Variants in LRBA observed in about 807,000 individuals in gnomAD.
LRBA encodes lipopolysaccharide-responsive and beige-like anchor protein.
Under a neutral mutation model 330.0 loss-of-function variants are expected in LRBA, and 176 were observed. That is an observed-to-expected ratio of 0.53 (90% CI 0.47 to 0.60). The LOEUF (loss-of-function observed/expected upper bound fraction) is 0.60, where lower values mean the gene tolerates loss of function less well. LRBA is among the 20% of genes least tolerant of loss of function. The pLI, the probability that LRBA is intolerant of heterozygous loss-of-function variation, is 0.00. For missense variants in LRBA, 3,259 were observed against 3,444.8 expected (o/e 0.95, Z 1.35); for synonymous variants, 1,230 against 1,193.0 (o/e 1.03, Z -0.64).
At chr4:150,478,102 G>C (rs1756917188) in intron 42 of LRBA, among the ~76,000 whole-genome samples, 1 of 152,014 alleles carries the variant, frequency 6.6e-6, no homozygotes, top group African/African-American at 2.4e-5. Flanking sequence ...TCTGGATGTA[G>C]CTCTAGTTCC....
At chr4:150,557,886 C>G (rs1223429194) in intron 40 of LRBA, among the ~76,000 whole-genome samples, 1 of 151,942 alleles carries the variant, frequency 6.6e-6, no homozygotes, top group African/African-American at 2.4e-5. Context: ...TGCTCTGTTC[C>G]ATACTGTACC....
intron 34 of LRBA, among the ~76,000 whole-genome samples, chr4:150,776,933 T>G (rs891679826): frequency 1.3e-5 from 2 of 152,220 alleles, no homozygotes; most frequent in African/African-American, 4.8e-5. Context: ...TCCAAGATTA[T>G]TCTTGAAAAT....
At chr4:150,915,270 T>C (rs1732463416) in intron 8 of LRBA, among the ~76,000 whole-genome samples, 1 of 152,100 alleles carries the variant, frequency 6.6e-6, no homozygotes. Context: ...ATATGCAAGA[T>C]TTATAAGCAT....
chr4:150,926,617 A>G (rs1229537926), intron 4 of LRBA, among the ~76,000 whole-genome samples: 1 of 152,212 alleles, frequency 6.6e-6, no homozygotes, highest in East Asian at 1.9e-4. Context: ...TGACCTACAT[A>G]AAGGAGCAAA....
intron 53 of LRBA, among the ~76,000 whole-genome samples, chr4:150,296,599 G>T (rs900152670): frequency 7.9e-5 from 12 of 151,910 alleles, no homozygotes; most frequent in Admixed American, 7.2e-4. Context: ...TCTGTAAAGC[G>T]ATATAAATGA....
At chr4:150,878,347 G>A (rs562890244) in intron 17 of LRBA, among the ~76,000 whole-genome samples, 13 of 151,760 alleles carry the variant, frequency 8.6e-5, no homozygotes, top group Non-Finnish European at 1.9e-4. Context: ...AAAAAAAAAG[G>A]AAATTTTATA....
intron 4 of LRBA, among the ~76,000 whole-genome samples, chr4:150,927,970 G>A (rs540167782): frequency 1.2e-4 from 18 of 152,138 alleles, no homozygotes; most frequent in Non-Finnish European, 2.2e-4. Flanking sequence ...AACAAAAATG[G>A]AGAAAATATT....
At chr4:150,548,536 T>C (rs1050378362) in intron 40 of LRBA, among the ~76,000 whole-genome samples, 2 of 152,182 alleles carry the variant, frequency 1.3e-5, no homozygotes, top group African/African-American at 4.8e-5. Flanking sequence ...AAGATTCTAA[T>C]GTAACACTTA....
At chr4:150,675,729 AAATTAATTAAAT>A (rs1561502815) in intron 37 of LRBA, among the ~76,000 whole-genome samples, 1 of 151,738 alleles carries the variant, frequency 6.6e-6, no homozygotes, top group Admixed American at 6.6e-5. Context: ...AAAAATAAAT[AAATTAATTAAAT>A]AATTAATTAA....
chr4:150,423,542 G>A, intron 46 of LRBA: 1 of 427,066 alleles, frequency 2.3e-6, no homozygotes, highest in Non-Finnish European at 4.3e-6. Flanking sequence ...GGAGGCTGGT[G>A]GGCTATACTT....
At chr4:150,376,266 T>G (rs1033109231) in intron 47 of LRBA, among the ~76,000 whole-genome samples, 2 of 152,322 alleles carry the variant, frequency 1.3e-5, no homozygotes, top group East Asian at 3.9e-4. Flanking sequence ...TGGCAACTCC[T>G]TTTATTAAAA....
intron 33 of LRBA, among the ~76,000 whole-genome samples, chr4:150,804,414 C>T (rs896747830): frequency 6.6e-6 from 1 of 152,146 alleles, no homozygotes; most frequent in African/African-American, 2.4e-5. Flanking sequence ...TTGTAAGGGT[C>T]AAACGAAGTG....
intron 34 of LRBA, among the ~76,000 whole-genome samples, chr4:150,790,742 C>T (rs1341897965): frequency 1.3e-5 from 2 of 152,222 alleles, no homozygotes; most frequent in Admixed American, 1.3e-4. Flanking sequence ...CAAGTCTATA[C>T]TTCCTTCTTT....
At chr4:150,307,295 G>C (rs572855598) in intron 52 of LRBA, among the ~76,000 whole-genome samples, 1 of 152,168 alleles carries the variant, frequency 6.6e-6, no homozygotes, top group African/African-American at 2.4e-5. Flanking sequence ...ACTTCTAGTA[G>C]GTGGCACAGG....
At chr4:151,001,478 G>A (rs1284312947) in intron 2 of LRBA, among the ~76,000 whole-genome samples, 1 of 152,068 alleles carries the variant, frequency 6.6e-6, no homozygotes, top group African/African-American at 2.4e-5. Flanking sequence ...GGGGCCTGGG[G>A]ATTGTCTCCC....
intron 48 of LRBA, among the ~76,000 whole-genome samples, chr4:150,340,970 G>A (rs1277155612): frequency 3.3e-5 from 5 of 152,116 alleles, no homozygotes; most frequent in African/African-American, 1.2e-4. Flanking sequence ...GTTTAAGAAG[G>A]AAGTGAAATG....
At chr4:150,380,222 T>C (rs374295252) in intron 47 of LRBA, among the ~76,000 whole-genome samples, 16 of 151,534 alleles carry the variant, frequency 1.1e-4, no homozygotes, top group African/African-American at 3.6e-4. Flanking sequence ...AAACAATTAA[T>C]GATCACAACT....
intron 48 of LRBA, among the ~76,000 whole-genome samples, chr4:150,329,754 A>G (rs1234206261): frequency 6.6e-6 from 1 of 152,080 alleles, no homozygotes; most frequent in Non-Finnish European, 1.5e-5. Context: ...TTAAAATACT[A>G]TTTTTTATTT....
intron 17 of LRBA, among the ~76,000 whole-genome samples, chr4:150,889,950 T>A (rs1337670709): frequency 1.3e-5 from 2 of 150,334 alleles, no homozygotes; most frequent in Non-Finnish European, 1.5e-5. Flanking sequence ...TATAGAAGAG[T>A]CAGCCAAAGA....
Sources: allele counts gnomAD v4.1 joint callset (sites outside exome capture counted in the v4.1 genomes callset), GRCh38; gene constraint gnomAD v4.1.1; transcripts MANE v1.5; gene names NCBI Gene and HGNC (gene_info 2026-07-23, HGNC 2026-07-21).